The following GALNT15 variants were observed in gnomAD, a reference collection of about 807,000 sequenced individuals.
GALNT15 encodes UDP-GalNAc transferase T15.
In GALNT15, 67 loss-of-function variants were observed where a neutral mutation model predicts 66.8. The observed-to-expected ratio is 1.00, with a 90% CI of 0.82 to 1.23. GALNT15 has a LOEUF of 1.23. Ranked by LOEUF, GALNT15 falls within the 50% of genes most tolerant of loss-of-function variation. The pLI, the probability that GALNT15 is intolerant of heterozygous loss-of-function variation, is 0.00. For synonymous variants in GALNT15, 313 were observed against 311.5 expected, an observed-to-expected ratio of 1.00 and a Z score of -0.05; for missense variants, 827 against 804.3, an observed-to-expected ratio of 1.03 and a Z score of -0.34.
At chr3:16,215,906 C>CAAAAAAAAAAAACAAACAAAAAA (rs1559690416) in intron 6 of GALNT15, among the ~76,000 whole-genome samples, 3 of 102,630 alleles carry the variant, frequency 2.9e-5, no homozygotes, top group Admixed American at 1.1e-4. Context: ...GAGACTCCGC[C>CAAAAAAAAAAAACAAACAAAAAA]AAAAAAAAAA....
rs1020123807 is a variant in GALNT15 at position 16,229,682 on chromosome 3, T to C, written c.*2182T>C. 7.1e-6 allele frequency: 7 copies of C among 981,852 alleles called. No homozygotes were observed. The African/African-American group carries it at 1.2e-4, about 17-fold the overall frequency. 60.8% of individuals were successfully genotyped at this position (981,852 alleles called of 1,614,324 possible). On this transcript the variant is annotated 3_prime_UTR_variant, in exon 10 of 10. Coordinates refer to ENST00000339732, the MANE Select transcript of GALNT15 (RefSeq NM_054110.5). ...TTTTAACTGAACTTTATCATTGGCA[T>C]TGTGGGTCTTTGAAGTTGCTGGGAT...
Position 16,226,598 on chromosome 3 carries a change from T to C in GALNT15, c.1774-756T>C, listed in dbSNP as rs528626256. Among the ~76,000 whole-genome samples, 5 of 151,662 alleles carry C rather than the reference T, an allele frequency of 3.3e-5. No individual in the cohort carries two copies. The South Asian group carries it at 1.0e-3, about 32-fold the overall frequency. ...AACAACCAATCTTGTGAGAACTCTA[T>C]CAAGAAAACAGCAAGGGGGAAGTCT... On this transcript the variant is annotated intron_variant, in intron 9 of 9. Coordinates refer to ENST00000339732, the MANE Select transcript of GALNT15 (RefSeq NM_054110.5).
Position 16,221,884 on chromosome 3 carries a change from T to C in GALNT15, c.1630-731T>C, listed in dbSNP as rs552274784. On this transcript the variant is annotated intron_variant, in intron 8 of 9. Coordinates refer to ENST00000339732, the MANE Select transcript of GALNT15 (RefSeq NM_054110.5). ...CCAGTGCAAGATGACAATGTAGTCT[T>C]TAATTTGACAATTATTAAGAATTTC... is the stretch of plus-strand genomic sequence containing the variant. 1.8e-3 allele frequency among the ~76,000 whole-genome samples: 276 copies of C among 152,322 alleles called. 4 individuals are homozygous for C. Among genetic ancestry groups the C allele is most frequent in the Non-Finnish European group, 9.3e-4 (63 of 68,038 alleles).
rs776089614 is a variant in GALNT15 at position 16,175,701 on chromosome 3, C to T, written c.539+11C>T. ...GGTGCGGCACCCACTGTAAGTAAGG[C>T]CCTTGTTTTCCCTTCCCTGATCCCA... On this transcript the variant is annotated intron_variant, in intron 1 of 9. Transcript: ENST00000339732. This position sits in a 1 kb window ranked among gnomAD's most constrained non-coding sequence, Gnocchi z 5.6. 2 of 1,546,546 alleles carry T rather than the reference C, an allele frequency of 1.3e-6. No homozygotes were observed. The highest frequency in any genetic ancestry group is 1.2e-5 in the South Asian group (1 of 82,218).
the GALNT15 span, among the ~76,000 whole-genome samples, chr3:16,245,227 T>C: frequency 6.6e-6 from 1 of 152,212 alleles, no homozygotes; most frequent in Admixed American, 6.5e-5. Flanking sequence ...TGGCGCCTCC[T>C]TCTGCCCCAT....
chr3:16,204,862 G>A lies in GALNT15; in HGVS notation c.912-3641G>A, dbSNP rs746428337. On this transcript the variant is annotated intron_variant, in intron 3 of 9. Transcript: ENST00000339732. The surrounding 1 kb of genome is among the most constrained non-coding windows in gnomAD (Gnocchi z 4.5). ...GAAGGGTTAAATGATGGAAAGCAGT[G>A]TAAGAACCCCTTGTGCTTGTGCATG... Among the ~76,000 whole-genome samples, 5 of 152,222 alleles carry A rather than the reference G, an allele frequency of 3.3e-5. No homozygotes were observed. Among genetic ancestry groups the A allele is most frequent in the Non-Finnish European group, 7.3e-5 (5 of 68,028 alleles).
rs924884138 is a variant in GALNT15 at position 16,203,622 on chromosome 3, G to T, written c.911+2799G>T. Among the ~76,000 whole-genome samples the T allele has an allele frequency of 6.7e-6, 1 of 149,036 alleles. No homozygotes were observed. The highest frequency in any genetic ancestry group is 1.5e-5 in the Non-Finnish European group (1 of 67,518). The stretch of plus-strand genomic sequence containing the variant: ...TCTGATCCTGGTGTGTTACTGGCTT[G>T]CCTTCCTCTTTGGGTTCCATCTCTT... On this transcript the variant is annotated intron_variant, in intron 3 of 9. Coordinates refer to ENST00000339732, the MANE Select transcript of GALNT15 (RefSeq NM_054110.5). This position sits in a 1 kb window ranked among gnomAD's most constrained non-coding sequence, Gnocchi z 6.2.
In GALNT15 at chr3:16,228,658, G is replaced by C. The variant is rs1019556794; in HGVS notation, c.*1158G>C. On this transcript the variant is annotated 3_prime_UTR_variant, in exon 10 of 10. Coordinates refer to ENST00000339732, the MANE Select transcript of GALNT15 (RefSeq NM_054110.5). ...TCCATCTCAAAAAAAAAAAAAAAGAGAGAAACTCTCCTGATGCCCTGTTAC... is the reference window on the plus strand; with the variant it reads ...TCCATCTCAAAAAAAAAAAAAAAGACAGAAACTCTCCTGATGCCCTGTTAC... The C allele has an allele frequency of 1.0e-6, 1 of 981,724 alleles. No individual in the cohort carries two copies. Among genetic ancestry groups the C allele is most frequent in the Non-Finnish European group, 1.2e-6 (1 of 828,390 alleles). 60.8% of individuals were successfully genotyped at this position (981,724 alleles called of 1,614,324 possible). A position where few individuals can be genotyped will look rare whatever the true frequency, so the allele number is the denominator to read the frequency against.
At chr3:16,243,110 G>C in the GALNT15 span, among the ~76,000 whole-genome samples, 85 of 152,292 alleles carry the variant, frequency 5.6e-4, no homozygotes, top group African/African-American at 1.8e-3. Context: ...CTTATTGGTT[G>C]AGGGTTACAC....
At position 16,186,771 on chromosome 3, in the gene GALNT15, G is replaced by A. The variant is rs1047500627; in HGVS notation, c.540-8989G>A. Among the ~76,000 whole-genome samples the A allele has an allele frequency of 2.6e-5, 4 of 152,296 alleles. No individual in the cohort carries two copies. In the East Asian group the frequency reaches 5.8e-4, roughly 22 times the overall value. The stretch of plus-strand genomic sequence containing the variant: ...CAGAAAGTAGGTTAGTGGTTGCCAC[G>A]GGCTGTGGTAGTTGTGGGAGCAGTG... On this transcript the variant is annotated intron_variant, in intron 1 of 9. Transcript: ENST00000339732. The surrounding 1 kb of genome is among the most constrained non-coding windows in gnomAD (Gnocchi z 5.1).
At chr3:16,218,536 TA>T (rs888838672) in intron 6 of GALNT15, among the ~76,000 whole-genome samples, 1 of 151,478 alleles carries the variant, frequency 6.6e-6, no homozygotes, top group Admixed American at 6.6e-5. Context: ...AATTGTATCA[TA>T]AAGGAGAATC....
chr3:16,195,969 C>T lies in GALNT15; in HGVS notation c.706+43C>T, dbSNP rs774457369. ...CCAGGCTCGTCTGGGTGAGCCTTACCCCCTGGCGGGTGGAGTTCTCAAGCA... is the reference window on the plus strand; with the variant it reads ...CCAGGCTCGTCTGGGTGAGCCTTACTCCCTGGCGGGTGGAGTTCTCAAGCA... On this transcript the variant is annotated intron_variant, in intron 2 of 9. Transcript: ENST00000339732. This position sits in a 1 kb window ranked among gnomAD's most constrained non-coding sequence, Gnocchi z 4.6. 3 of 1,598,872 alleles carry T rather than the reference C, an allele frequency of 1.9e-6. No homozygotes were observed. Among genetic ancestry groups the T allele is most frequent in the Non-Finnish European group, 2.6e-6 (3 of 1,169,344 alleles).
rs780421434 is a variant in GALNT15, at chr3:16,227,425, G to T, written c.1845G>T (p.Leu615Phe). The T allele has an allele frequency of 4.1e-5, 66 of 1,613,918 alleles. No homozygotes were observed. The highest frequency in any genetic ancestry group is 4.9e-5 in the Non-Finnish European group (58 of 1,179,998). ...EAVVQENNKD[L>F]YLRPCDGKAR... ...TGGTGCAAGAAAACAATAAAGATTT[G>T]TACCTGCGTCCGTGTGATGGAAAAG... The change falls in exon 10 of 10, where the codon TTG (leucine) becomes TTT (phenylalanine). Residue 615 changes from leucine to phenylalanine, a missense_variant. By Grantham distance (22) the Leu-to-Phe change is conservative. Coordinates refer to ENST00000339732, the MANE Select transcript of GALNT15 (RefSeq NM_054110.5). This position sits in a 1 kb window ranked among gnomAD's most constrained non-coding sequence, Gnocchi z 4.5.
chr3:16,217,732 G>T (rs757455286), intron 6 of GALNT15, among the ~76,000 whole-genome samples: 1 of 152,134 alleles, frequency 6.6e-6, no homozygotes, highest in East Asian at 1.9e-4. Flanking sequence ...CAAAGATTGG[G>T]TAGATTTATC....
intron 6 of GALNT15, among the ~76,000 whole-genome samples, chr3:16,215,886 G>A (rs2063865797): frequency 8.2e-6 from 1 of 121,246 alleles, no homozygotes; most frequent in Admixed American, 9.3e-5. Context: ...CTCCAGCCTG[G>A]CAACAGAGGG....
intron 3 of GALNT15, among the ~76,000 whole-genome samples, chr3:16,202,096 A>G (rs1326533568): frequency 6.6e-6 from 1 of 152,224 alleles, no homozygotes; most frequent in African/African-American, 2.4e-5. Context: ...ATCGGAATGA[A>G]TCCTGGAGAC....
rs1213662095 is a variant in GALNT15 at position 16,189,943 on chromosome 3, C to T, written c.540-5817C>T. ...GATAGTTCTCAGAGAGCTTATGGTA[C>T]TTGCCCAGGTCACATAAGGACAGAC... On this transcript the variant is annotated intron_variant, in intron 1 of 9. Transcript: ENST00000339732. This position sits in a 1 kb window ranked among gnomAD's most constrained non-coding sequence, Gnocchi z 5.1. Among the ~76,000 whole-genome samples the T allele has an allele frequency of 6.6e-6, 1 of 152,218 alleles. No homozygotes were observed. The highest frequency in any genetic ancestry group is 1.9e-4 in the East Asian group (1 of 5,204).
At chr3:16,196,172 C>T (rs12632481) in intron 2 of GALNT15, among the ~76,000 whole-genome samples, 1 of 152,086 alleles carries the variant, frequency 6.6e-6, no homozygotes, top group Admixed American at 6.5e-5. Context: ...TGGGGAGGGT[C>T]TTGAGGGGTG....
At chr3:16,242,457 G>A in the GALNT15 span, among the ~76,000 whole-genome samples, 1 of 152,060 alleles carries the variant, frequency 6.6e-6, no homozygotes, top group Non-Finnish European at 1.5e-5. This position sits in a 1 kb window ranked among gnomAD's most constrained non-coding sequence, Gnocchi z 5.6. Context: ...CCAATATTAT[G>A]GTTAAGAAAC....
Sources: allele counts gnomAD v4.1 joint callset (sites outside exome capture counted in the v4.1 genomes callset), GRCh38; gene constraint gnomAD v4.1.1; non-coding constraint Gnocchi (gnomAD v3.1); transcripts MANE v1.5; gene names NCBI Gene and HGNC (gene_info 2026-07-23, HGNC 2026-07-21).